The following CSMD1 variants were observed in gnomAD, a reference collection of about 807,000 sequenced individuals.
The protein encoded by CSMD1 is CUB and sushi domain-containing protein 1.
A neutral mutation model predicts 417.5 loss-of-function variants in CSMD1; 213 were observed. That is an observed-to-expected ratio of 0.51 (90% CI 0.46 to 0.57). The LOEUF (loss-of-function observed/expected upper bound fraction) is 0.57, where lower values mean the gene tolerates loss of function less well. Ranked by LOEUF, CSMD1 falls within the 20% of genes least tolerant of loss-of-function variation. The pLI, the probability that CSMD1 is intolerant of heterozygous loss-of-function variation, is 0.00. For synonymous variants in CSMD1, 2,862 were observed against 1,736.8 expected, an observed-to-expected ratio of 1.65 and a Z score of -16.11; for missense variants, 6,923 against 4,529.7, an observed-to-expected ratio of 1.53 and a Z score of -15.17.
intron 5 of CSMD1, among the ~76,000 whole-genome samples, chr8:3,987,444 T>A (rs1482004059): frequency 6.6e-6 from 1 of 152,206 alleles, no homozygotes; most frequent in African/African-American, 2.4e-5. Flanking sequence ...AGTGGTAGGT[T>A]TCTGACTTTT....
intron 3 of CSMD1, among the ~76,000 whole-genome samples, chr8:4,381,046 T>C (rs889762091): frequency 6.6e-6 from 1 of 152,148 alleles, no homozygotes; most frequent in Non-Finnish European, 1.5e-5. Flanking sequence ...TTAAGGAATA[T>C]GTGAGTATTG....
At chr8:3,789,263 C>T (rs1799601024) in intron 5 of CSMD1, among the ~76,000 whole-genome samples, 1 of 152,074 alleles carries the variant, frequency 6.6e-6, no homozygotes, top group African/African-American at 2.4e-5. Flanking sequence ...TTGGACTTCC[C>T]AGCCTCCTGA....
At chr8:3,327,602 G>T (rs982896044) in intron 23 of CSMD1, among the ~76,000 whole-genome samples, 2 of 152,110 alleles carry the variant, frequency 1.3e-5, no homozygotes, top group African/African-American at 4.8e-5. Flanking sequence ...AGAATTCGTA[G>T]GATAATTGTT....
chr8:4,263,107 T>G (rs1803998049), intron 3 of CSMD1, among the ~76,000 whole-genome samples: 1 of 152,148 alleles, frequency 6.6e-6, no homozygotes, highest in South Asian at 2.1e-4. Flanking sequence ...AAAGCAGTAT[T>G]ATTTCTTGTG....
At chr8:4,253,816 C>T (rs1270940609) in intron 3 of CSMD1, among the ~76,000 whole-genome samples, 1 of 149,230 alleles carries the variant, frequency 6.7e-6, no homozygotes, top group Non-Finnish European at 1.5e-5. Context: ...AAATAATCAA[C>T]ACCATTATTA....
intron 5 of CSMD1, among the ~76,000 whole-genome samples, chr8:3,757,792 T>C (rs1430593177): frequency 1.3e-5 from 2 of 151,690 alleles, no homozygotes; most frequent in East Asian, 2.0e-4. Flanking sequence ...GAGGTTGCAG[T>C]GAGTTGAGAT....
At chr8:4,374,863 A>T (rs533682016) in intron 3 of CSMD1, among the ~76,000 whole-genome samples, 5 of 151,400 alleles carry the variant, frequency 3.3e-5, no homozygotes, top group Admixed American at 3.3e-4. Flanking sequence ...CTAGGGGCTA[A>T]TTAAACACAG....
chr8:3,182,609 T>TTA, intron 36 of CSMD1, among the ~76,000 whole-genome samples: 3 of 80,410 alleles, frequency 3.7e-5, no homozygotes, highest in Non-Finnish European at 3.5e-5. Flanking sequence ...TGTGTGTGTG[T>TTA]GTGTGTGTGT....
intron 5 of CSMD1, among the ~76,000 whole-genome samples, chr8:3,893,081 G>A (rs148423694): frequency 6.6e-6 from 1 of 151,684 alleles, no homozygotes. Flanking sequence ...AGAAATGCTG[G>A]AATTAGCTTT....
intron 5 of CSMD1, among the ~76,000 whole-genome samples, chr8:3,823,582 C>T (rs75045451): frequency 0.022 from 3,348 of 152,060 alleles, 111 homozygotes; most frequent in African/African-American, 0.072. Flanking sequence ...GCAATGGATA[C>T]ATGTTTGAAC....
At chr8:4,115,928 G>A (rs1470974509) in intron 3 of CSMD1, among the ~76,000 whole-genome samples, 1 of 151,764 alleles carries the variant, frequency 6.6e-6, no homozygotes, top group African/African-American at 2.4e-5. Context: ...CTGGGGGCAG[G>A]GAGAAGTAAA....
intron 1 of CSMD1, among the ~76,000 whole-genome samples, chr8:4,712,420 G>A (rs1017148133): frequency 1.4e-4 from 22 of 152,160 alleles, no homozygotes; most frequent in African/African-American, 4.6e-4. Flanking sequence ...CCAGAAGGAT[G>A]CAGGACTACC....
chr8:3,772,178 A>G (rs968875828), intron 5 of CSMD1, among the ~76,000 whole-genome samples: 2 of 66,080 alleles, frequency 3.0e-5, no homozygotes, highest in African/African-American at 9.6e-5. Context: ...ATATATATAT[A>G]TATATATATA....
chr8:4,322,888 G>A (rs911327813), intron 3 of CSMD1, among the ~76,000 whole-genome samples: 10 of 152,196 alleles, frequency 6.6e-5, no homozygotes, highest in East Asian at 1.9e-4. Flanking sequence ...AGGAGGCTGA[G>A]GCAGGAGAAT....
chr8:4,184,955 T>G (rs1798579014), intron 3 of CSMD1, among the ~76,000 whole-genome samples: 1 of 151,886 alleles, frequency 6.6e-6, no homozygotes, highest in African/African-American at 2.4e-5. Flanking sequence ...CTCCCCAATG[T>G]GGTGAAACCC....
At chr8:4,139,104 C>T (rs1803618429) in intron 3 of CSMD1, among the ~76,000 whole-genome samples, 2 of 152,144 alleles carry the variant, frequency 1.3e-5, no homozygotes, top group African/African-American at 2.4e-5. Flanking sequence ...AACACAGCTA[C>T]ACATGAAGAC....
chr8:4,141,710 G>A (rs962556347), intron 3 of CSMD1, among the ~76,000 whole-genome samples: 1 of 151,050 alleles, frequency 6.6e-6, no homozygotes, highest in African/African-American at 2.5e-5. Context: ...AGGCAATTCT[G>A]ATCTAATAAT....
At chr8:3,901,625 G>A (rs925588149) in intron 5 of CSMD1, among the ~76,000 whole-genome samples, 1 of 152,104 alleles carries the variant, frequency 6.6e-6, no homozygotes, top group African/African-American at 2.4e-5. Context: ...GAAAACCACC[G>A]AAGTAAAACA....
intron 17 of CSMD1, among the ~76,000 whole-genome samples, chr8:3,394,024 A>ATATG (rs1563342356): frequency 1.8e-5 from 1 of 54,060 alleles, no homozygotes; most frequent in Non-Finnish European, 3.8e-5. Context: ...ATATATATAT[A>ATATG]TATATATATA....
Sources: allele counts gnomAD v4.1 joint callset (sites outside exome capture counted in the v4.1 genomes callset), GRCh38; gene constraint gnomAD v4.1.1; transcripts MANE v1.5; gene names NCBI Gene and HGNC (gene_info 2026-07-23, HGNC 2026-07-21).